TENM2: variants seen among roughly 807,000 people sequenced by gnomAD.
The protein encoded by TENM2 is teneurin-2.
In TENM2, 52 loss-of-function variants were observed where a neutral mutation model predicts 245.2. That is an observed-to-expected ratio of 0.21 (90% confidence interval 0.17 to 0.27). The LOEUF (loss-of-function observed/expected upper bound fraction) is 0.27. TENM2 is among the 10% of genes least tolerant of loss of function. The probability of loss-of-function intolerance (pLI) is 1.00; values close to 1 mark genes in which losing one functional copy is unlikely to be tolerated. For missense variants in TENM2, 3,046 were observed against 3,666.8 expected, an observed-to-expected ratio of 0.83 and a Z score of 4.37; for synonymous variants, 1,363 against 1,438.9, an observed-to-expected ratio of 0.95 and a Z score of 1.19.
intron 17 of TENM2, among the ~76,000 whole-genome samples, chr5:168,203,178 T>C (rs1324170869): frequency 2.0e-4 from 31 of 152,232 alleles, no homozygotes. Flanking sequence ...TCTGGAATCC[T>C]GAGTGAACAC....
At chr5:167,072,959 G>A in the TENM2 span, among the ~76,000 whole-genome samples, 8 of 152,222 alleles carry the variant, frequency 5.3e-5, no homozygotes, top group African/African-American at 1.2e-4. Context: ...CTGCATCATC[G>A]TTGAAGGATA....
intron 2 of TENM2, among the ~76,000 whole-genome samples, chr5:167,821,561 G>A (rs1767529154): frequency 6.6e-6 from 1 of 152,180 alleles, no homozygotes. Context: ...AAATTTACTT[G>A]ACAAATGTAA....
intron 2 of TENM2, among the ~76,000 whole-genome samples, chr5:167,837,067 TACAC>T (rs3082486): frequency 0.64 from 95,494 of 149,366 alleles, 32,193 homozygotes; most frequent in Non-Finnish European, 0.78. Flanking sequence ...TATGCCTAAG[TACAC>T]ACACACACAC....
chr5:167,498,364 G>A (rs1276354483), intron 2 of TENM2, among the ~76,000 whole-genome samples: 7 of 152,098 alleles, frequency 4.6e-5, no homozygotes, highest in Non-Finnish European at 8.8e-5. Context: ...TTACGTCAAT[G>A]ATCATGCTTC....
At chr5:168,142,376 G>A (rs965669907) in intron 12 of TENM2, among the ~76,000 whole-genome samples, 4 of 152,124 alleles carry the variant, frequency 2.6e-5, no homozygotes, top group African/African-American at 4.8e-5. Flanking sequence ...TTTAAATTTC[G>A]GCTTCCATCA....
chr5:167,666,847 C>A (rs557112146), intron 2 of TENM2, among the ~76,000 whole-genome samples: 1 of 152,118 alleles, frequency 6.6e-6, no homozygotes, highest in Admixed American at 6.6e-5. Context: ...CTGGATACTT[C>A]CTTAATTTGG....
chr5:167,908,655 T>C (rs1429832077), intron 3 of TENM2, among the ~76,000 whole-genome samples: 1 of 129,352 alleles, frequency 7.7e-6, no homozygotes, highest in East Asian at 2.4e-4. Context: ...TCTTCCCCTC[T>C]TTGCTTTTCT....
chr5:167,397,064 C>T (rs1472347353), intron 2 of TENM2, among the ~76,000 whole-genome samples: 6 of 152,080 alleles, frequency 3.9e-5, no homozygotes, highest in African/African-American at 1.2e-4. Context: ...TAAAAAGAGT[C>T]AAGATGTCCT....
the TENM2 span, among the ~76,000 whole-genome samples, chr5:167,084,445 C>T: frequency 1.4e-5 from 2 of 143,338 alleles, no homozygotes; most frequent in Admixed American, 7.3e-5. Context: ...GCAACAACAC[C>T]AGCAACCATA....
At chr5:167,905,201 T>C (rs1775993116) in intron 3 of TENM2, among the ~76,000 whole-genome samples, 1 of 152,188 alleles carries the variant, frequency 6.6e-6, no homozygotes, top group Admixed American at 6.5e-5. Context: ...CCTCTGTCGA[T>C]GTCTATTCCA....
At chr5:168,204,512 G>T in exon 19 of TENM2, 1 of 1,614,044 alleles carries the variant, frequency 6.2e-7, no homozygotes, top group Non-Finnish European at 8.5e-7. Context: ...CAAGCTGCTG[G>T]CCCCAGTGGC....
At chr5:167,562,957 CA>C (rs58779751) in intron 2 of TENM2, among the ~76,000 whole-genome samples, 1,502 of 77,592 alleles carry the variant, frequency 0.019, 23 homozygotes, top group African/African-American at 0.05. Context: ...AATTCTGTCT[CA>C]AAAAAAAAAA....
intron 23 of TENM2, among the ~76,000 whole-genome samples, chr5:168,222,660 G>A (rs1363552303): frequency 6.6e-6 from 1 of 152,186 alleles, no homozygotes; most frequent in Non-Finnish European, 1.5e-5. Flanking sequence ...GACTAGGGAA[G>A]ATGCATCTGT....
chr5:167,065,116 C>G, the TENM2 span, among the ~76,000 whole-genome samples: 1 of 152,112 alleles, frequency 6.6e-6, no homozygotes, highest in Non-Finnish European at 1.5e-5. Context: ...ATTATTTCTA[C>G]TGGCACCGTA....
intron 2 of TENM2, among the ~76,000 whole-genome samples, chr5:167,622,734 G>A (rs528812481): frequency 6.0e-4 from 91 of 152,200 alleles, no homozygotes; most frequent in Admixed American, 2.9e-3. Context: ...TGACAAACAC[G>A]CAGCCAGAAA....
chr5:167,290,082 G>T (rs1754545760), intron 1 of TENM2, among the ~76,000 whole-genome samples: 2 of 152,130 alleles, frequency 1.3e-5, no homozygotes, highest in South Asian at 4.1e-4. Flanking sequence ...ATGCCTTCTA[G>T]TCTTTGGTTG....
At chr5:168,228,159 C>G (rs760643846) in intron 25 of TENM2, 29 bp downstream of exon 27, 6 of 1,559,786 alleles carry the variant, frequency 3.8e-6, no homozygotes, top group Non-Finnish European at 4.4e-6. Context: ...TCTGTTACCA[C>G]AGAGTGGGAG....
chr5:167,446,529 C>A (rs972408849), intron 2 of TENM2, among the ~76,000 whole-genome samples: 5 of 152,190 alleles, frequency 3.3e-5, no homozygotes, highest in South Asian at 2.1e-4. Flanking sequence ...TGACTTGGAA[C>A]TGATCCGTTG....
At chr5:168,221,868 A>T (rs1763699842) in intron 23 of TENM2, among the ~76,000 whole-genome samples, 1 of 152,190 alleles carries the variant, frequency 6.6e-6, no homozygotes, top group Admixed American at 6.5e-5. Flanking sequence ...TCTCTGCCAC[A>T]TGCTTACTGA....
Sources: gnomAD v4.1 joint callset for allele counts (sites outside exome capture counted in the v4.1 genomes callset) on GRCh38, gnomAD v4.1.1 for gene constraint, MANE v1.5 for transcripts, NCBI Gene and HGNC (gene_info 2026-07-23, HGNC 2026-07-21) for gene names.